The following CADM2 variants were observed in gnomAD, a reference collection of about 807,000 sequenced individuals.
CADM2 encodes the protein cell adhesion molecule 2.
In CADM2, 12 loss-of-function variants were observed where a neutral mutation model predicts 49.8. The observed-to-expected ratio is 0.24, with a 90% confidence interval of 0.15 to 0.39. The LOEUF is 0.39. Ranked by LOEUF, CADM2 falls within the 10% of genes least tolerant of loss-of-function variation. The pLI is 1.00. For missense variants in CADM2, 378 were observed against 492.3 expected (o/e 0.77, Z 2.20); for synonymous variants, 214 against 175.4 (o/e 1.22, Z -1.74).
At chr3:85,381,917 A>C (rs2033930838) in intron 1 of CADM2, among the ~76,000 whole-genome samples, 1 of 151,968 alleles carries the variant, frequency 6.6e-6, no homozygotes, top group Non-Finnish European at 1.5e-5. Context: ...CAGAAAAACC[A>C]TTCTCAGGAA....
chr3:85,744,126 T>C (rs1236741143), intron 2 of CADM2, among the ~76,000 whole-genome samples: 1 of 152,072 alleles, frequency 6.6e-6, no homozygotes, highest in Non-Finnish European at 1.5e-5. Flanking sequence ...ATCTGAGACA[T>C]GCCTAGTGGT....
At chr3:85,677,884 T>C (rs2065929922) in intron 1 of CADM2, among the ~76,000 whole-genome samples, 1 of 152,194 alleles carries the variant, frequency 6.6e-6, no homozygotes, top group South Asian at 2.1e-4. Flanking sequence ...ATGACTGTTC[T>C]TACAGCTCTG....
At chr3:85,619,527 C>G (rs915824478) in intron 1 of CADM2, among the ~76,000 whole-genome samples, 1 of 152,108 alleles carries the variant, frequency 6.6e-6, no homozygotes, top group Non-Finnish European at 1.5e-5. Context: ...TCACCTTCCA[C>G]TTGCTACCAT....
chr3:85,447,410 C>T (rs2037519370), intron 1 of CADM2, among the ~76,000 whole-genome samples: 1 of 152,018 alleles, frequency 6.6e-6, no homozygotes, highest in African/African-American at 2.4e-5. Context: ...TTCTGTTAAG[C>T]TTAATATTTC....
intron 1 of CADM2, among the ~76,000 whole-genome samples, chr3:85,640,295 ATGT>A (rs1448216090): frequency 6.6e-6 from 1 of 152,164 alleles, no homozygotes; most frequent in Non-Finnish European, 1.5e-5. Context: ...AGATTTTCAG[ATGT>A]TGTTGAACGA....
intron 1 of CADM2, among the ~76,000 whole-genome samples, chr3:85,164,006 C>T (rs2040401751): frequency 6.6e-6 from 1 of 151,884 alleles, no homozygotes; most frequent in Non-Finnish European, 1.5e-5. Context: ...TTTAAATGTC[C>T]AGAATAGAAA....
Position 85,556,359 on chromosome 3 carries a change from T to C in CADM2, c.62-170163T>C, listed in dbSNP as rs191833837. Among the ~76,000 whole-genome samples the C allele has an allele frequency of 5.2e-3, 796 of 152,148 alleles. 4 individuals carry two copies. The highest frequency in any genetic ancestry group is 0.01 in the Middle Eastern group (3 of 294). ...GGAGGTAGTCTTGCTGTCTCAAAGGTGGCACAGGTGGAAGAAAATCCATAT... is the reference window on the plus strand; with the variant it reads ...GGAGGTAGTCTTGCTGTCTCAAAGGCGGCACAGGTGGAAGAAAATCCATAT... On this transcript the variant is annotated intron_variant, in intron 1 of 9. Transcript: ENST00000383699.
chr3:85,465,024 C>T (rs2038426408), intron 1 of CADM2, among the ~76,000 whole-genome samples: 1 of 152,124 alleles, frequency 6.6e-6, no homozygotes, highest in Admixed American at 6.5e-5. Context: ...TGGCACACGC[C>T]TATAGTCCCA....
intron 1 of CADM2, among the ~76,000 whole-genome samples, chr3:85,563,122 A>C (rs765952082): frequency 1.3e-5 from 2 of 152,140 alleles, no homozygotes; most frequent in African/African-American, 2.4e-5. Context: ...TGGAGTGTAA[A>C]AGTCACCTGG....
chr3:85,510,902 A>C lies in CADM2; in HGVS notation c.62-215620A>C, dbSNP rs1017126730. Among the ~76,000 whole-genome samples, 5 of 148,034 alleles carry C rather than the reference A, an allele frequency of 3.4e-5. No homozygotes were observed. In the East Asian group the frequency reaches 1.0e-3, roughly 30 times the overall value. On this transcript the variant is annotated intron_variant, in intron 1 of 9. Transcript: ENST00000383699. ...AGTAGACATTAAAAATAAGTAATGT[A>C]ATGAGGGTTCATAAGCTCTAGTTTC...
At chr3:85,014,865 T>C (rs2034183777) in intron 1 of CADM2, among the ~76,000 whole-genome samples, 2 of 152,152 alleles carry the variant, frequency 1.3e-5, no homozygotes, top group South Asian at 2.1e-4. Context: ...AGGGACTACA[T>C]AGGATGTGAA....
intron 1 of CADM2, among the ~76,000 whole-genome samples, chr3:85,400,130 C>G (rs1364315420): frequency 6.6e-6 from 1 of 152,060 alleles, no homozygotes; most frequent in Admixed American, 6.6e-5. Context: ...CCCATCAATA[C>G]CTAATTTATT....
At chr3:85,987,638 AAT>A (rs1553718432) in intron 8 of CADM2, among the ~76,000 whole-genome samples, 2 of 146,896 alleles carry the variant, frequency 1.4e-5, no homozygotes, top group African/African-American at 2.5e-5. Context: ...ATTATAATAA[AAT>A]ATGTTTATAT....
At chr3:85,329,822 G>A (rs1174109919) in intron 1 of CADM2, among the ~76,000 whole-genome samples, 1 of 151,494 alleles carries the variant, frequency 6.6e-6, no homozygotes, top group East Asian at 1.9e-4. Flanking sequence ...CTATTTTTTT[G>A]AGACAACACA....
rs535688807 is a variant in CADM2 at position 85,910,696 on chromosome 3, C to A, written c.530-1677C>A. On this transcript the variant is annotated intron_variant, in intron 5 of 9. Coordinates refer to ENST00000383699, the MANE Select transcript of CADM2 (RefSeq NM_001167675.2). ...CTTCTTTCTAAATGTTAGAGATTTT[C>A]TTACTCTTCAGAATTGCCTAACATA... Among the ~76,000 whole-genome samples, 3 of 152,146 alleles carry A rather than the reference C, an allele frequency of 2.0e-5. No individual in the cohort carries two copies. The South Asian group carries it at 6.2e-4, about 32-fold the overall frequency.
chr3:85,123,378 G>A (rs2038927761), intron 1 of CADM2, among the ~76,000 whole-genome samples: 1 of 152,058 alleles, frequency 6.6e-6, no homozygotes, highest in Non-Finnish European at 1.5e-5. Flanking sequence ...AGATTTATGT[G>A]TAAAAACGTA....
intron 1 of CADM2, among the ~76,000 whole-genome samples, chr3:85,460,714 G>C (rs2038205858): frequency 6.7e-6 from 1 of 148,372 alleles, no homozygotes; most frequent in Non-Finnish European, 1.5e-5. Flanking sequence ...ATTTTCGTGT[G>C]TGGGTGGGTG....
intron 1 of CADM2, among the ~76,000 whole-genome samples, chr3:85,428,511 AT>A (rs974216117): frequency 1.4e-5 from 2 of 146,378 alleles, no homozygotes; most frequent in African/African-American, 4.9e-5. Context: ...GGGGATATGT[AT>A]TAGTAAGGCA....
intron 1 of CADM2, among the ~76,000 whole-genome samples, chr3:85,080,365 C>T (rs1042200043): frequency 6.6e-6 from 1 of 151,826 alleles, no homozygotes; most frequent in Non-Finnish European, 1.5e-5. Context: ...TCTGTTTAGT[C>T]GATATGTCAG....
Sources: gnomAD v4.1 joint callset for allele counts (sites outside exome capture counted in the v4.1 genomes callset) on GRCh38, gnomAD v4.1.1 for gene constraint, MANE v1.5 for transcripts, NCBI Gene and HGNC (gene_info 2026-07-23, HGNC 2026-07-21) for gene names.